KIZ: variants seen among roughly 807,000 people sequenced by gnomAD.
KIZ encodes kizuna centrosomal protein.
KIZ carries 68 observed loss-of-function variants against 79.6 expected under a neutral mutation model. The ratio of observed to expected loss-of-function variants is 0.85; its 90% confidence interval spans 0.70 to 1.05. The LOEUF (loss-of-function observed/expected upper bound fraction) is 1.05. Ranked by LOEUF, KIZ falls within the 50% of genes least tolerant of loss-of-function variation. The pLI, the probability that KIZ is intolerant of heterozygous loss-of-function variation, is 0.00. For missense variants in KIZ, 797 were observed against 800.4 expected (o/e 1.00, Z 0.05); for synonymous variants, 280 against 281.8 (o/e 0.99, Z 0.06).
intron 1 of KIZ, among the ~76,000 whole-genome samples, chr20:21,127,974 G>A (rs1186489088): frequency 6.6e-6 from 1 of 152,192 alleles, no homozygotes; most frequent in African/African-American, 2.4e-5. Context: ...GAATATTATT[G>A]TCTGTATCCA....
chr20:21,244,898 T>A (rs2037337335), intron 12 of KIZ: 1 of 153,004 alleles, frequency 6.5e-6, no homozygotes, highest in Admixed American at 6.5e-5. Context: ...AGTCAGCTTT[T>A]TTCAGCTGTA....
chr20:21,141,141 G>A (rs1222335165), intron 3 of KIZ, among the ~76,000 whole-genome samples: 6 of 152,126 alleles, frequency 3.9e-5, no homozygotes, highest in Non-Finnish European at 8.8e-5. Flanking sequence ...CTTTTGTAGA[G>A]GGGGCCCCAG....
At chr20:21,155,389 C>A (rs572225556) in intron 4 of KIZ, among the ~76,000 whole-genome samples, 17 of 145,792 alleles carry the variant, frequency 1.2e-4, no homozygotes, top group African/African-American at 4.2e-4. Flanking sequence ...ACCTTGAAAA[C>A]ATTGTGCTAA....
chr20:21,141,497 C>T (rs1170025293), intron 3 of KIZ, among the ~76,000 whole-genome samples: 1 of 151,514 alleles, frequency 6.6e-6, no homozygotes, highest in Non-Finnish European at 1.5e-5. Context: ...GAGCAGCCTT[C>T]CCAGGTTCTG....
chr20:21,200,732 C>CG (rs1312884135), intron 6 of KIZ, among the ~76,000 whole-genome samples: 1 of 152,094 alleles, frequency 6.6e-6, no homozygotes, highest in African/African-American at 2.4e-5. Context: ...TAGCAGACCA[C>CG]GTATCAGTAC....
chr20:21,223,098 A>G (rs2036553443), intron 9 of KIZ, among the ~76,000 whole-genome samples: 2 of 152,222 alleles, frequency 1.3e-5, no homozygotes, highest in Admixed American at 6.5e-5. Flanking sequence ...TTGAGTACAA[A>G]TGGCTAAAAT....
intron 6 of KIZ, among the ~76,000 whole-genome samples, chr20:21,163,673 A>C (rs528966362): frequency 4.6e-5 from 7 of 152,302 alleles, no homozygotes; most frequent in African/African-American, 1.7e-4. Flanking sequence ...TGTATATGTA[A>C]GCCAGATTTC....
intron 3 of KIZ, chr20:21,144,172 A>C (rs932902941): frequency 6.6e-6 from 1 of 152,192 alleles, no homozygotes. Flanking sequence ...TTTCTATGAG[A>C]AAGTGCTCTG....
chr20:21,231,388 T>A (rs2036828299), intron 10 of KIZ, among the ~76,000 whole-genome samples: 1 of 152,138 alleles, frequency 6.6e-6, no homozygotes, highest in Admixed American at 6.5e-5. Context: ...TCGATGTGTA[T>A]CAGAAATTAT....
chr20:21,167,846 G>A (rs914851115), intron 6 of KIZ, among the ~76,000 whole-genome samples: 2 of 152,038 alleles, frequency 1.3e-5, no homozygotes, highest in Admixed American at 6.6e-5. Context: ...GAGCCACTGC[G>A]CCTGGCCTAC....
chr20:21,169,646 A>G (rs2034115768), intron 6 of KIZ, among the ~76,000 whole-genome samples: 1 of 152,198 alleles, frequency 6.6e-6, no homozygotes, highest in Admixed American at 6.5e-5. Context: ...TTGTTGCGGC[A>G]CTATTCATAA....
chr20:21,128,554 T>C (rs1261982653), intron 1 of KIZ, among the ~76,000 whole-genome samples: 2 of 152,204 alleles, frequency 1.3e-5, no homozygotes, highest in South Asian at 2.1e-4. Context: ...GCCCAAGTCA[T>C]GTTAGCTGTA....
rs2036212450 is a variant in KIZ at position 21,214,615 on chromosome 20, C to G, written c.1527C>G (p.Ser509Arg). The G allele has an allele frequency of 6.2e-7, 1 of 1,612,028 alleles. No individual in the cohort carries two copies. The highest frequency in any genetic ancestry group is 1.3e-5 in the African/African-American group (1 of 74,868). ...SAIHSSESSC[S>R]LPSILNDNSG... ...TTCACAGTAGTGAATCATCTTGCAGCTTGCCATCTATTCTGAATGACAATA... is the reference window on the plus strand; with the variant it reads ...TTCACAGTAGTGAATCATCTTGCAGGTTGCCATCTATTCTGAATGACAATA... Residue 509 changes from serine to arginine, a missense_variant, in exon 8 of 13, where the codon AGC (serine) becomes AGG (arginine). Ser to Arg is a moderately radical substitution (Grantham distance 110, BLOSUM62 -1). Coordinates refer to ENST00000619189, the MANE Select transcript of KIZ (RefSeq NM_018474.6).
At position 21,207,958 on chromosome 20, in the gene KIZ, G is replaced by A. The variant is rs79650957; in HGVS notation, c.1446+2374G>A. Among the ~76,000 whole-genome samples, 29 of 152,018 alleles carry A rather than the reference G, an allele frequency of 1.9e-4. No homozygotes were observed. In the East Asian group the frequency reaches 5.6e-3, roughly 30 times the overall value. ...AAACTCCTGACCTCGGGTGATCCGC[G>A]CCCCCATCAGCCTCCCAAAGTTCTG... On this transcript the variant is annotated intron_variant, in intron 7 of 12. Coordinates refer to ENST00000619189, the MANE Select transcript of KIZ (RefSeq NM_018474.6).
At chr20:21,208,305 TTC>T (rs112851688) in intron 7 of KIZ, among the ~76,000 whole-genome samples, 2,222 of 152,330 alleles carry the variant, frequency 0.015, 48 homozygotes, top group African/African-American at 0.05. Context: ...TCAAATTATA[TTC>T]TGTTTCCCCT....
intron 10 of KIZ, among the ~76,000 whole-genome samples, chr20:21,229,964 G>A (rs1375804718): frequency 3.3e-5 from 5 of 152,120 alleles, no homozygotes; most frequent in African/African-American, 4.8e-5. Flanking sequence ...TTATTTGTAT[G>A]TCTATTATTT....
chr20:21,204,672 T>A (rs1600532311), intron 6 of KIZ, among the ~76,000 whole-genome samples: 1 of 152,048 alleles, frequency 6.6e-6, no homozygotes, highest in African/African-American at 2.4e-5. Flanking sequence ...ATGTTTCAGG[T>A]TCATCTTGTG....
At chr20:21,220,950 A>C (rs1192807434) in intron 9 of KIZ, among the ~76,000 whole-genome samples, 1 of 152,158 alleles carries the variant, frequency 6.6e-6, no homozygotes, top group Non-Finnish European at 1.5e-5. Flanking sequence ...AGAGGTGGGC[A>C]GCATGCAAGG....
chr20:21,219,192 T>A (rs116673004), intron 9 of KIZ, among the ~76,000 whole-genome samples: 2 of 70,204 alleles, frequency 2.8e-5, no homozygotes, highest in Admixed American at 1.5e-4. Context: ...GGTAGAATAT[T>A]TATCGAGCTT....
Sources: gnomAD v4.1 joint callset for allele counts (sites outside exome capture counted in the v4.1 genomes callset) on GRCh38, gnomAD v4.1.1 for gene constraint, MANE v1.5 for transcripts, NCBI Gene and HGNC (gene_info 2026-07-23, HGNC 2026-07-21) for gene names.